Variants in C2CD2 observed in about 807,000 individuals in gnomAD.
The protein encoded by C2CD2 is C2 domain-containing protein 2.
In C2CD2, 43 loss-of-function variants were observed where a neutral mutation model predicts 74.3. The ratio of observed to expected loss-of-function variants is 0.58; its 90% CI spans 0.45 to 0.75. C2CD2 has a LOEUF of 0.75. Among genes scored for constraint, C2CD2 ranks in the 30% least tolerant of loss-of-function variants. The probability of loss-of-function intolerance (pLI) is 0.00; values close to 1 mark genes in which losing one functional copy is unlikely to be tolerated. For missense variants in C2CD2, 801 were observed against 916.3 expected (o/e 0.87, Z 1.63); for synonymous variants, 422 against 390.7 (o/e 1.08, Z -0.94).
chr21:41,923,322 T>G lies in C2CD2; in HGVS notation c.379-1237A>C, dbSNP rs1254198092. Reference sequence around the variant, plus strand: ...AAGTCTTTTTCTTTAAATATCATCTTGTTCTATTTCTCCACAATAGCTGAT... The same window carrying G: ...AAGTCTTTTTCTTTAAATATCATCTGGTTCTATTTCTCCACAATAGCTGAT... On this transcript the variant is annotated intron_variant, in intron 2 of 13. Coordinates refer to ENST00000380486, the MANE Select transcript of C2CD2 (RefSeq NM_015500.2). The surrounding 1 kb of genome is among the most constrained non-coding windows in gnomAD (Gnocchi z 5.8). Among the ~76,000 whole-genome samples, 1 of 152,220 alleles carries G rather than the reference T, an allele frequency of 6.6e-6. No individual in the cohort carries two copies. The highest frequency in any genetic ancestry group is 1.5e-5 in the Non-Finnish European group (1 of 68,044).
Position 41,924,597 on chromosome 21 carries a change from T to C in C2CD2, c.379-2512A>G, listed in dbSNP as rs139407747. Among the ~76,000 whole-genome samples the C allele has an allele frequency of 8.0e-3, 1,218 of 152,324 alleles. 21 individuals carry two copies. In the South Asian group the frequency reaches 0.081, roughly 10 times the overall value. On this transcript the variant is annotated intron_variant, in intron 2 of 13. Coordinates refer to ENST00000380486, the MANE Select transcript of C2CD2 (RefSeq NM_015500.2). The surrounding 1 kb of genome is among the most constrained non-coding windows in gnomAD (Gnocchi z 4.4). ...ATAAACAGTCCTTTACGGAGGAACA[T>C]GCTTTGTGGCCAGATGAGTTACACG...
rs761473469 is a variant in C2CD2 at position 41,912,340 on chromosome 21, T to C, written c.945A>G (p.Glu315=). Reference sequence around the variant, plus strand: ...AACCCGGCCAGACTCACAAGGTGAATTCCTCTTCCCACATGAGGTCCGGAG... The same window carrying C: ...AACCCGGCCAGACTCACAAGGTGAACTCCTCTTCCCACATGAGGTCCGGAG... ...KNTPDLMWEE[E]FTFELNAKSK... Residue 315 remains glutamate, a synonymous_variant, in exon 7 of 14, where the codon GAA becomes GAG. Transcript: ENST00000380486. 2 of 1,608,362 alleles carry C rather than the reference T, an allele frequency of 1.2e-6. No homozygotes were observed. Among genetic ancestry groups the C allele is most frequent in the South Asian group, 2.2e-5 (2 of 90,392 alleles).
chr21:41,909,320 C>T (rs555907462), intron 8 of C2CD2, 139 bp downstream of exon 8: 18 of 590,586 alleles, frequency 3.0e-5, no homozygotes, highest in Non-Finnish European at 4.6e-5. Context: ...ACCAAACATT[C>T]CCATGGGAAA....
chr21:41,897,359 C>T (rs2064836113), intron 13 of C2CD2, among the ~76,000 whole-genome samples: 1 of 152,138 alleles, frequency 6.6e-6, no homozygotes, highest in Non-Finnish European at 1.5e-5. Flanking sequence ...GGAAGAGCTA[C>T]CCCACCCTGC....
intron 10 of C2CD2, among the ~76,000 whole-genome samples, 177 bp from the exon 11 acceptor site, chr21:41,906,014 T>C (rs1263075015): frequency 1.3e-5 from 2 of 152,214 alleles, no homozygotes; most frequent in African/African-American, 2.4e-5. Context: ...GGAGTCCAGG[T>C]TGAAATAAAA....
intron 13 of C2CD2, chr21:41,894,590 G>A (rs971924957): frequency 3.3e-5 from 15 of 454,134 alleles, no homozygotes; most frequent in Non-Finnish European, 4.9e-5. Context: ...ATCAAAGCCC[G>A]TGGGGTCTCA....
At position 41,926,855 on chromosome 21, in the gene C2CD2, T is replaced by C. The variant is rs1412389885; in HGVS notation, c.379-4770A>G. Among the ~76,000 whole-genome samples, 3 of 152,156 alleles carry C rather than the reference T, an allele frequency of 2.0e-5. No individual in the cohort carries two copies. Among genetic ancestry groups the C allele is most frequent in the Non-Finnish European group, 4.4e-5 (3 of 68,038 alleles). ...AGGAAATGTATACAAAAGGTTTAGA[T>C]ACTCGAATAATTTTCACTTTCATCA... On this transcript the variant is annotated intron_variant, in intron 2 of 13. Transcript: ENST00000380486. The surrounding 1 kb of genome is among the most constrained non-coding windows in gnomAD (Gnocchi z 8.0).
At chr21:41,937,623 T>C (rs2065319662) in intron 2 of C2CD2, among the ~76,000 whole-genome samples, 1 of 152,152 alleles carries the variant, frequency 6.6e-6, no homozygotes, top group Non-Finnish European at 1.5e-5. Context: ...CAAGGGTCCA[T>C]TATAGATCCA....
chr21:41,918,943 C>T lies in C2CD2; in HGVS notation c.510G>A (p.Lys170=), dbSNP rs896900497. ...TAATCTGGAGGTCCTCTCTCTTCTC[C>T]TTCATGTGGAACTCCAGCTATTAAA... is the stretch of plus-strand genomic sequence containing the variant. ...PFHLQLEFHM[K]EKREDLQISW... Residue 170 remains lysine (K), a synonymous_variant, in exon 4 of 14, where the codon AAG becomes AAA. Coordinates refer to ENST00000380486, the MANE Select transcript of C2CD2 (RefSeq NM_015500.2). The T allele has an allele frequency of 6.2e-7, 1 of 1,613,840 alleles. No homozygotes were observed. Among genetic ancestry groups the T allele is most frequent in the East Asian group, 2.2e-5 (1 of 44,880 alleles).
rs981827699 is a variant in C2CD2, at chr21:41,895,368, G to A, written c.1870+3685C>T. ...AGATCATCTGCTTGACTTTGAGCCCGCAGAATGTGTTGCCCTTTGCTGATA... is the reference window on the plus strand; with the variant it reads ...AGATCATCTGCTTGACTTTGAGCCCACAGAATGTGTTGCCCTTTGCTGATA... On this transcript the variant is annotated intron_variant, in intron 13 of 13. Transcript: ENST00000380486. The surrounding 1 kb of genome is among the most constrained non-coding windows in gnomAD (Gnocchi z 5.0). Among the ~76,000 whole-genome samples the A allele has an allele frequency of 3.9e-5, 6 of 152,140 alleles. No individual in the cohort carries two copies. Among genetic ancestry groups the A allele is most frequent in the Non-Finnish European group, 5.9e-5 (4 of 68,036 alleles).
Position 41,918,939 on chromosome 21 carries a change from TCTC to T in C2CD2, c.511_513del (p.Glu171del). Reference sequence around the variant, plus strand: ...CAGCTAATCTGGAGGTCCTCTCTCTTCTCCTTCATGTGGAACTCCAGCTATTAA... The same window carrying T: ...CAGCTAATCTGGAGGTCCTCTCTCTTCTTCATGTGGAACTCCAGCTATTAA... On this transcript the variant is annotated inframe_deletion, in exon 4 of 14. Coordinates refer to ENST00000380486, the MANE Select transcript of C2CD2 (RefSeq NM_015500.2). The T allele has an allele frequency of 6.8e-6, 11 of 1,613,946 alleles. No homozygotes were observed. The highest frequency in any genetic ancestry group is 8.5e-6 in the Non-Finnish European group (10 of 1,179,802).
rs1442745271 is a variant in C2CD2 at position 41,889,299 on chromosome 21, T to C, written c.1916A>G (p.His639Arg). Reference sequence around the variant, plus strand: ...ACTCATGCCTGGGTCTTTCTGTTGATGCCGCCGGCGGAAGAACAGCTTTGC... The same window carrying C: ...ACTCATGCCTGGGTCTTTCTGTTGACGCCGCCGGCGGAAGAACAGCTTTGC... ...KGAKLFFRRR[H>R]QQKDPGMSQS... Residue 639 changes from histidine to arginine, a missense_variant, in exon 14 of 14, where the codon CAT becomes CGT. Physicochemically the swap from His to Arg is conservative, Grantham distance 29 (BLOSUM62 0). Transcript: ENST00000380486. 6.2e-7 allele frequency: 1 copy of C among 1,614,098 alleles called. No individual in the cohort carries two copies.
chr21:41,894,388 A>G (rs1476020700), intron 13 of C2CD2, among the ~76,000 whole-genome samples: 4 of 152,038 alleles, frequency 2.6e-5, no homozygotes, highest in Non-Finnish European at 5.9e-5. Flanking sequence ...AGGTTTGGAG[A>G]GGTGGCTGGC....
At chr21:41,907,528 A>G in intron 9 of C2CD2, 132 bp downstream of exon 9, 1 of 979,008 alleles carries the variant, frequency 1.0e-6, no homozygotes, top group African/African-American at 1.6e-5. Flanking sequence ...GTACGATGAA[A>G]CAGCATCTCC....
intron 2 of C2CD2, among the ~76,000 whole-genome samples, chr21:41,931,564 A>G (rs1006133133): frequency 6.7e-6 from 1 of 149,364 alleles, no homozygotes; most frequent in African/African-American, 2.4e-5. Flanking sequence ...CTGGGACTAC[A>G]GGCGCGTGCC....
intron 2 of C2CD2, among the ~76,000 whole-genome samples, chr21:41,933,123 G>GC (rs2065277149): frequency 6.8e-6 from 1 of 146,852 alleles, no homozygotes; most frequent in Non-Finnish European, 1.5e-5. Context: ...CCCTTGTCAA[G>GC]GCTGAGTTAG....
Position 41,901,388 on chromosome 21 carries a change from G to A in C2CD2, c.1560+234C>T, listed in dbSNP as rs886679616. 6 of 579,460 alleles carry A rather than the reference G, an allele frequency of 1.0e-5. No homozygotes were observed. The Admixed American group carries it at 1.1e-4, about 11-fold the overall frequency. The allele number at this position is 579,460 out of a possible 1,614,324, so 35.9% of individuals were successfully genotyped here. A position where few individuals can be genotyped will look rare whatever the true frequency, so the allele number is the denominator to read the frequency against. On this transcript the variant is annotated intron_variant, in intron 12 of 13. Coordinates refer to ENST00000380486, the MANE Select transcript of C2CD2 (RefSeq NM_015500.2). ...TGAAATGATTTGCCAACCTCTCAACGTGTAAAGCGTCCCTGATTAGAAAGT... is the reference window on the plus strand; with the variant it reads ...TGAAATGATTTGCCAACCTCTCAACATGTAAAGCGTCCCTGATTAGAAAGT...
rs927587058 is a variant in C2CD2 at position 41,924,003 on chromosome 21, G to T, written c.379-1918C>A. Among the ~76,000 whole-genome samples the T allele has an allele frequency of 2.0e-5, 3 of 152,228 alleles. No individual in the cohort carries two copies. The highest frequency in any genetic ancestry group is 2.9e-5 in the Non-Finnish European group (2 of 68,038). On this transcript the variant is annotated intron_variant, in intron 2 of 13. Transcript: ENST00000380486. This position sits in a 1 kb window ranked among gnomAD's most constrained non-coding sequence, Gnocchi z 4.4. ...TTTGGCCAAAAAGCAAAGCTACCAGGAGCTGAGGGTAAGTCAGACTGACCT... is the reference window on the plus strand; with the variant it reads ...TTTGGCCAAAAAGCAAAGCTACCAGTAGCTGAGGGTAAGTCAGACTGACCT...
In C2CD2 at chr21:41,916,207, G is replaced by C. The variant is rs533250912; in HGVS notation, c.721-1486C>G. 5.9e-4 allele frequency among the ~76,000 whole-genome samples: 90 copies of C among 152,072 alleles called. 1 individual carries two copies. The highest frequency in any genetic ancestry group is 2.1e-3 in the African/African-American group (87 of 41,492). ...AGAGATGAAATCTTTTTTTTCAATT[G>C]CTGAGGGTGATGGTTAACTGTATGT... is the stretch of plus-strand genomic sequence containing the variant. On this transcript the variant is annotated intron_variant, in intron 5 of 13. Coordinates refer to ENST00000380486, the MANE Select transcript of C2CD2 (RefSeq NM_015500.2).
Sources: gnomAD v4.1 joint callset for allele counts (sites outside exome capture counted in the v4.1 genomes callset) on GRCh38, gnomAD v4.1.1 for gene constraint, Gnocchi (gnomAD v3.1) non-coding constraint, MANE v1.5 for transcripts, NCBI Gene and HGNC (gene_info 2026-07-23, HGNC 2026-07-21) for gene names.